Variants in L3MBTL3 observed in about 807,000 individuals in gnomAD.
The protein encoded by L3MBTL3 is lethal(3)malignant brain tumor-like protein 3.
Under a neutral mutation model 102.3 loss-of-function variants are expected in L3MBTL3, and 27 were observed. The observed-to-expected ratio is 0.26, with a 90% CI of 0.19 to 0.36. The LOEUF (loss-of-function observed/expected upper bound fraction) is 0.36, where lower values mean the gene tolerates loss of function less well. Ranked by LOEUF, L3MBTL3 falls within the 10% of genes least tolerant of loss-of-function variation. The pLI, the probability that L3MBTL3 is intolerant of heterozygous loss-of-function variation, is 1.00. For synonymous variants in L3MBTL3, 340 were observed against 320.9 expected, an observed-to-expected ratio of 1.06 and a Z score of -0.64; for missense variants, 798 against 955.3, an observed-to-expected ratio of 0.84 and a Z score of 2.17.
At chr6:130,087,906 AGTGCTTCTTTCAGG>A (rs1435551305) in intron 16 of L3MBTL3, among the ~76,000 whole-genome samples, 5 of 152,112 alleles carry the variant, frequency 3.3e-5, no homozygotes, top group Non-Finnish European at 7.4e-5. Context: ...AAGTAATGAC[AGTGCTTCTTTCAGG>A]GTGCTGAAAG....
chr6:130,139,268 A>C (rs948451092), intron 22 of L3MBTL3, among the ~76,000 whole-genome samples: 2 of 152,116 alleles, frequency 1.3e-5, no homozygotes, highest in African/African-American at 4.8e-5. Flanking sequence ...TAATTTTAAA[A>C]CCTGCCATGA....
At chr6:130,100,256 T>C (rs1784601788) in intron 18 of L3MBTL3, among the ~76,000 whole-genome samples, 1 of 152,162 alleles carries the variant, frequency 6.6e-6, no homozygotes, top group African/African-American at 2.4e-5. Flanking sequence ...TGAAACAGAA[T>C]CTCGGAGCCT....
At chr6:130,100,525 T>C (rs1784617217) in intron 18 of L3MBTL3, among the ~76,000 whole-genome samples, 1 of 152,170 alleles carries the variant, frequency 6.6e-6, no homozygotes, top group African/African-American at 2.4e-5. Context: ...AATCAATAGC[T>C]GATAGGCTAC....
At chr6:130,074,654 C>A (rs539784993) in intron 13 of L3MBTL3, among the ~76,000 whole-genome samples, 1 of 152,174 alleles carries the variant, frequency 6.6e-6, no homozygotes, top group African/African-American at 2.4e-5. Context: ...TAGGAAGGAA[C>A]CTTTCTTTTA....
At chr6:130,071,994 T>C (rs1782667235) in intron 13 of L3MBTL3, among the ~76,000 whole-genome samples, 1 of 152,166 alleles carries the variant, frequency 6.6e-6, no homozygotes, top group Non-Finnish European at 1.5e-5. Flanking sequence ...TTCTATTATA[T>C]GTTACCTACG....
intron 19 of L3MBTL3, among the ~76,000 whole-genome samples, chr6:130,119,269 T>A (rs1785956434): frequency 6.6e-6 from 1 of 152,180 alleles, no homozygotes; most frequent in African/African-American, 2.4e-5. Flanking sequence ...GACTGTAGTG[T>A]ATGGTTTTTA....
intron 16 of L3MBTL3, among the ~76,000 whole-genome samples, chr6:130,087,575 A>G (rs745402515): frequency 5.9e-5 from 9 of 152,180 alleles, no homozygotes; most frequent in Admixed American, 2.6e-4. Context: ...CAGTTTGGCA[A>G]TAGGTTAACA....
At chr6:130,061,752 C>G (rs1421707445) in intron 10 of L3MBTL3, among the ~76,000 whole-genome samples, 1 of 152,032 alleles carries the variant, frequency 6.6e-6, no homozygotes, top group Admixed American at 6.6e-5. Flanking sequence ...AGCAAGAGCG[C>G]AAGGCGTGAG....
At chr6:130,027,416 C>T (rs1779422546) in intron 2 of L3MBTL3, among the ~76,000 whole-genome samples, 1 of 152,134 alleles carries the variant, frequency 6.6e-6, no homozygotes, top group Non-Finnish European at 1.5e-5. Flanking sequence ...TATTTTTCTC[C>T]ATCCATTACA....
chr6:130,139,871 A>G lies in L3MBTL3; in HGVS notation c.*118A>G, dbSNP rs1405143432. 3.4e-6 allele frequency: 3 copies of G among 871,900 alleles called. No homozygotes were observed. Among genetic ancestry groups the G allele is most frequent in the South Asian group, 1.5e-5 (1 of 65,164 alleles). 54.0% of individuals were successfully genotyped at this position (871,900 alleles called of 1,614,324 possible). On this transcript the variant is annotated 3_prime_UTR_variant, in exon 23 of 23. Transcript: ENST00000361794. ...CTCCAAAACTCAAAAGAGCAACACT[A>G]TCGGATTATTTATATTACTCAAGAG...
chr6:130,130,386 A>C (rs917482465), intron 20 of L3MBTL3, among the ~76,000 whole-genome samples: 6 of 152,244 alleles, frequency 3.9e-5, no homozygotes, highest in African/African-American at 1.4e-4. Flanking sequence ...ATTATATGGC[A>C]TGCACTCAGG....
chr6:130,131,822 C>T (rs1266292477), intron 20 of L3MBTL3, among the ~76,000 whole-genome samples: 2 of 152,266 alleles, frequency 1.3e-5, no homozygotes, highest in South Asian at 4.1e-4. Context: ...TGAGGACGAC[C>T]AGAGGTCACT....
chr6:130,073,706 A>G (rs1434402280), intron 13 of L3MBTL3, among the ~76,000 whole-genome samples: 1 of 152,104 alleles, frequency 6.6e-6, no homozygotes, highest in East Asian at 1.9e-4. Flanking sequence ...TTCGATGCCA[A>G]ATGTCTAGGG....
chr6:130,123,277 G>A (rs1786366773), intron 20 of L3MBTL3, among the ~76,000 whole-genome samples: 1 of 151,854 alleles, frequency 6.6e-6, no homozygotes, highest in African/African-American at 2.4e-5. Context: ...AATTGCCTAA[G>A]TTTTTGTTTT....
chr6:130,098,479 G>A (rs1208997368), intron 18 of L3MBTL3, among the ~76,000 whole-genome samples: 1 of 152,112 alleles, frequency 6.6e-6, no homozygotes, highest in Non-Finnish European at 1.5e-5. Flanking sequence ...TTCATAATGA[G>A]GTATGTTACG....
chr6:130,091,234 G>C (rs1224011749), intron 16 of L3MBTL3, among the ~76,000 whole-genome samples: 1 of 152,040 alleles, frequency 6.6e-6, no homozygotes, highest in Non-Finnish European at 1.5e-5. Context: ...CATTCTTCTC[G>C]AATGTTTATT....
chr6:130,105,114 C>T (rs888680924), intron 19 of L3MBTL3, among the ~76,000 whole-genome samples: 2 of 152,152 alleles, frequency 1.3e-5, no homozygotes, highest in Non-Finnish European at 2.9e-5. Flanking sequence ...CAAACTGATA[C>T]ATCTTTAAGC....
chr6:130,130,510 A>G (rs1786935706), intron 20 of L3MBTL3, among the ~76,000 whole-genome samples: 1 of 152,228 alleles, frequency 6.6e-6, no homozygotes, highest in Admixed American at 6.5e-5. Flanking sequence ...TTCAAATAAT[A>G]GCTAAGCTCT....
intron 17 of L3MBTL3, among the ~76,000 whole-genome samples, chr6:130,093,872 T>G (rs1784201109): frequency 6.6e-6 from 1 of 152,244 alleles, no homozygotes; most frequent in Non-Finnish European, 1.5e-5. Flanking sequence ...TTCTGGATTC[T>G]TCTATAGTAC....
Sources: allele counts gnomAD v4.1 joint callset (sites outside exome capture counted in the v4.1 genomes callset), GRCh38; gene constraint gnomAD v4.1.1; transcripts MANE v1.5; gene names NCBI Gene and HGNC (gene_info 2026-07-23, HGNC 2026-07-21).